The following TM6SF1 variants were observed in gnomAD, a reference collection of about 807,000 sequenced individuals.
TM6SF1 encodes transmembrane 6 superfamily member 1.
In TM6SF1, 43 loss-of-function variants were observed where a neutral mutation model predicts 47.1. The observed-to-expected ratio is 0.91, with a 90% CI of 0.72 to 1.18. The LOEUF is 1.18. TM6SF1 is among the 50% of genes most tolerant of loss of function. The pLI, the probability that TM6SF1 is intolerant of heterozygous loss-of-function variation, is 0.00. For missense variants in TM6SF1, 390 were observed against 449.0 expected, an observed-to-expected ratio of 0.87 and a Z score of 1.19; for synonymous variants, 177 against 166.3, an observed-to-expected ratio of 1.06 and a Z score of -0.49.
At chr15:83,119,939 A>C in intron 4 of TM6SF1, 1 of 388,372 alleles carries the variant, frequency 2.6e-6, no homozygotes, top group South Asian at 5.6e-5. Context: ...TTACAAGAAT[A>C]ATTTTTATTT....
chr15:83,107,649 T>G lies in TM6SF1; in HGVS notation c.-32T>G. On this transcript the variant is annotated 5_prime_UTR_variant, in exon 1 of 10. An upstream start codon of the reference 5' UTR is lost. Transcript: ENST00000322019. The surrounding 1 kb of genome is among the most constrained non-coding windows in gnomAD (Gnocchi z 5.6). ...AGCTGGGGCGGGGCGCCCAGCGGGA[T>G]GCGGTGAAGGGCGAGCGGCGCGGCG... 6.7e-7 allele frequency: 1 copy of G among 1,484,554 alleles called. No individual in the cohort carries two copies. The highest frequency in any genetic ancestry group is 1.4e-5 in the South Asian group (1 of 73,804). The allele number at this position is 1,484,554 out of a possible 1,614,324, so 92.0% of individuals were successfully genotyped here.
At chr15:83,126,274 A>C (rs1416657882) in intron 7 of TM6SF1, among the ~76,000 whole-genome samples, 1 of 152,192 alleles carries the variant, frequency 6.6e-6, no homozygotes, top group Non-Finnish European at 1.5e-5. Context: ...CTTTCCAGCA[A>C]GAGGACCCTG....
At chr15:83,122,948 G>C (rs1596500364) in intron 6 of TM6SF1, 70 bp downstream of exon 6, 1 of 1,569,974 alleles carries the variant, frequency 6.4e-7, no homozygotes, top group East Asian at 2.2e-5. Context: ...ACTGGCCACT[G>C]AATTGAACCA....
At chr15:83,110,894 G>A (rs1292668077) in intron 1 of TM6SF1, among the ~76,000 whole-genome samples, 4 of 151,972 alleles carry the variant, frequency 2.6e-5, no homozygotes, top group Non-Finnish European at 5.9e-5. Flanking sequence ...TTTTTGAGAC[G>A]GACTCTTGCT....
chr15:83,126,621 T>TG (rs1439163775), intron 7 of TM6SF1, 134 bp from the exon 8 acceptor site: 1 of 643,992 alleles, frequency 1.6e-6, no homozygotes, highest in Non-Finnish European at 2.7e-6. Flanking sequence ...CCATCATTGA[T>TG]GAGCCTCTAC....
chr15:83,112,756 T>C, intron 1 of TM6SF1, 41 bp from the exon 2 acceptor site: 3 of 1,426,194 alleles, frequency 2.1e-6, no homozygotes, highest in Non-Finnish European at 3.0e-6. Context: ...ACCAATGTGT[T>C]TATTTTGATA....
Position 83,113,856 on chromosome 15 carries a change from C to T in TM6SF1, c.196+956C>T, listed in dbSNP as rs138772757. 4.1e-4 allele frequency: 62 copies of T among 152,366 alleles called. No individual in the cohort carries two copies. In the East Asian group the frequency reaches 0.011, roughly 27 times the overall value. The allele number at this position is 152,366 out of a possible 1,614,324, so 9.4% of individuals were successfully genotyped here. On this transcript the variant is annotated intron_variant, in intron 2 of 9. Coordinates refer to ENST00000322019, the MANE Select transcript of TM6SF1 (RefSeq NM_023003.5). ...CTTACTCCCACCCATATTCCAATGG[C>T]TGAGATGAGGCATAGGGCCAAGCCC... is the stretch of plus-strand genomic sequence containing the variant.
At chr15:83,128,778 T>TG (rs1017767510) in intron 9 of TM6SF1, 1 of 152,172 alleles carries the variant, frequency 6.6e-6, no homozygotes, top group Non-Finnish European at 1.5e-5. Context: ...GCCAGAAACT[T>TG]GGAGTAATTA....
At chr15:83,123,723 G>C (rs185177547) in intron 6 of TM6SF1, among the ~76,000 whole-genome samples, 2 of 152,148 alleles carry the variant, frequency 1.3e-5, no homozygotes, top group Non-Finnish European at 2.9e-5. Context: ...CTGTTAAAAA[G>C]AAAAAGCAAA....
At chr15:83,127,687 A>G in intron 9 of TM6SF1, 1 of 470,952 alleles carries the variant, frequency 2.1e-6, no homozygotes, top group South Asian at 2.4e-5. Flanking sequence ...ATCCAGTTAC[A>G]CAGATGAGGA....
At chr15:83,110,766 A>C (rs1479061846) in intron 1 of TM6SF1, among the ~76,000 whole-genome samples, 1 of 152,176 alleles carries the variant, frequency 6.6e-6, no homozygotes, top group Non-Finnish European at 1.5e-5. Flanking sequence ...CCACAGGAGG[A>C]GCCTGGAGCA....
chr15:83,119,606 G>C lies in TM6SF1; in HGVS notation c.323G>C (p.Gly108Ala). 6.2e-7 allele frequency: 1 copy of C among 1,614,106 alleles called. No homozygotes were observed. Among genetic ancestry groups the C allele is most frequent in the South Asian group, 1.1e-5 (1 of 91,076 alleles). Residue 108 changes from glycine (G) to alanine (A), a missense_variant, in exon 4 of 10, where the codon GGG becomes GCG. By Grantham distance (60) the Gly-to-Ala change is moderately conservative (BLOSUM62 0). Coordinates refer to ENST00000322019, the MANE Select transcript of TM6SF1 (RefSeq NM_023003.5). Reference sequence around the variant, plus strand: ...GAACCGTATCTGAACACCGCATATGGGCACATGATCTGCTACTGGGATGGC... The same window carrying C: ...GAACCGTATCTGAACACCGCATATGCGCACATGATCTGCTACTGGGATGGC... ...EGEPYLNTAY[G>A]HMICYWDGSA...
intron 9 of TM6SF1, 24 bp from the exon 10 acceptor site, chr15:83,136,457 A>G (rs1567161942): frequency 2.6e-6 from 3 of 1,157,836 alleles, no homozygotes; most frequent in Non-Finnish European, 3.6e-6. Flanking sequence ...TGCTTACTCA[A>G]TTTTTTTTTT....
Position 83,107,865 on chromosome 15 carries a change from G to T in TM6SF1, c.92+93G>T. The T allele has an allele frequency of 7.0e-7, 1 of 1,418,732 alleles. No homozygotes were observed. Among genetic ancestry groups the T allele is most frequent in the South Asian group, 1.5e-5 (1 of 68,284 alleles). 87.9% of individuals were successfully genotyped at this position (1,418,732 alleles called of 1,614,324 possible). On this transcript the variant is annotated intron_variant, in intron 1 of 9. Transcript: ENST00000322019. The surrounding 1 kb of genome is among the most constrained non-coding windows in gnomAD (Gnocchi z 5.6). The stretch of plus-strand genomic sequence containing the variant: ...CTCGCAACTTTTCCGAGGGGGCTGG[G>T]ACCGTCCGCCGCGGGACAGAGGTTC...
intron 3 of TM6SF1, 76 bp downstream of exon 3, chr15:83,116,018 T>C: frequency 8.6e-7 from 1 of 1,167,696 alleles, no homozygotes; most frequent in Non-Finnish European, 1.3e-6. Context: ...GAGACAGAAA[T>C]CCTCTCATTT....
At chr15:83,118,990 C>G (rs1443318527) in intron 3 of TM6SF1, among the ~76,000 whole-genome samples, 1 of 152,196 alleles carries the variant, frequency 6.6e-6, no homozygotes, top group Non-Finnish European at 1.5e-5. Flanking sequence ...CTCAGAGCAT[C>G]TGTTTCCTCA....
intron 4 of TM6SF1, 106 bp downstream of exon 4, chr15:83,119,787 A>T: frequency 2.6e-6 from 4 of 1,545,522 alleles, no homozygotes; most frequent in Admixed American, 3.7e-5. Context: ...GGTATACTGG[A>T]CATGAATATA....
At chr15:83,126,562 C>G (rs931048758) in intron 7 of TM6SF1, among the ~76,000 whole-genome samples, 193 bp from the exon 8 acceptor site, 12 of 152,084 alleles carry the variant, frequency 7.9e-5, no homozygotes, top group African/African-American at 2.9e-4. Flanking sequence ...TTTCCTGCAC[C>G]ATAATTAACC....
At chr15:83,111,649 T>C in intron 1 of TM6SF1, 1 of 985,382 alleles carries the variant, frequency 1.0e-6, no homozygotes, top group Non-Finnish European at 1.2e-6. Context: ...TGAGGAGTGG[T>C]GCTTGTAGCT....
Sources: gnomAD v4.1 joint callset for allele counts (sites outside exome capture counted in the v4.1 genomes callset) on GRCh38, gnomAD v4.1.1 for gene constraint, Gnocchi (gnomAD v3.1) non-coding constraint, MANE v1.5 for transcripts, NCBI Gene and HGNC (gene_info 2026-07-23, HGNC 2026-07-21) for gene names.